The following HERC3 variants were observed in gnomAD, a reference collection of about 807,000 sequenced individuals.
HERC3 encodes probable E3 ubiquitin-protein ligase HERC3.
HERC3 carries 58 observed loss-of-function variants against 129.9 expected under a neutral mutation model. The observed-to-expected ratio is 0.45, with a 90% CI of 0.36 to 0.56. The LOEUF is 0.56. Ranked by LOEUF, HERC3 falls within the 20% of genes least tolerant of loss-of-function variation. The pLI is 0.00. For missense variants in HERC3, 835 were observed against 1,244.2 expected, an observed-to-expected ratio of 0.67 and a Z score of 4.95; for synonymous variants, 430 against 451.0, an observed-to-expected ratio of 0.95 and a Z score of 0.59.
At chr4:88,667,035 A>C (rs1253764958) in intron 12 of HERC3, among the ~76,000 whole-genome samples, 1 of 152,162 alleles carries the variant, frequency 6.6e-6, no homozygotes, top group Non-Finnish European at 1.5e-5. Flanking sequence ...CAAAAAACAC[A>C]AGATGAAATC....
chr4:88,658,508 G>A lies in HERC3; in HGVS notation c.1146+17G>A. ...AAATACGAGGTAAAATTTTTCTTGT[G>A]ACTCTTATTTCCAGGAAGGAATAAT... On this transcript the variant is annotated intron_variant, in intron 10 of 25. Transcript: ENST00000402738. 1.4e-6 allele frequency: 2 copies of A among 1,429,450 alleles called. No homozygotes were observed. Among genetic ancestry groups the A allele is most frequent in the Non-Finnish European group, 2.0e-6 (2 of 1,019,102 alleles). 88.5% of individuals were successfully genotyped at this position (1,429,450 alleles called of 1,614,324 possible).
At chr4:88,537,291 A>C in the HERC3 span, among the ~76,000 whole-genome samples, 6 of 152,182 alleles carry the variant, frequency 3.9e-5, no homozygotes, top group African/African-American at 1.4e-4. Context: ...CATCTCTTGT[A>C]ATCTGAAACA....
intron 10 of HERC3, among the ~76,000 whole-genome samples, chr4:88,661,794 G>A (rs1199247348): frequency 6.6e-6 from 1 of 152,144 alleles, no homozygotes; most frequent in African/African-American, 2.4e-5. Context: ...GAAATTAAGA[G>A]TCATTGTTTT....
chr4:88,529,538 G>A, the HERC3 span, among the ~76,000 whole-genome samples: 2 of 152,124 alleles, frequency 1.3e-5, no homozygotes, highest in African/African-American at 2.4e-5. Context: ...GGTGGATCAC[G>A]AGGTCAGGAG....
In HERC3 at chr4:88,669,841, C is replaced by T. The variant is rs747791459; in HGVS notation, c.1634-19C>T. 4.4e-6 allele frequency: 7 copies of T among 1,602,058 alleles called. No homozygotes were observed. In the Admixed American group the frequency reaches 6.7e-5, roughly 15 times the overall value. ...CCCAAGATTACATGTTGAAATATGTCTTTTCTTTCTTTCTAAAGATAACTG... is the reference window on the plus strand; with the variant it reads ...CCCAAGATTACATGTTGAAATATGTTTTTTCTTTCTTTCTAAAGATAACTG... On this transcript the variant is annotated intron_variant, in intron 14 of 25. Coordinates refer to ENST00000402738, the MANE Select transcript of HERC3 (RefSeq NM_014606.3).
At chr4:88,642,642 T>C (rs183176549) in intron 3 of HERC3, among the ~76,000 whole-genome samples, 30 of 152,338 alleles carry the variant, frequency 2.0e-4, no homozygotes, top group Admixed American at 2.0e-3. Flanking sequence ...TCTATCTTCA[T>C]ACAGTGAAAG....
At chr4:88,618,705 T>G (rs1430117556) in intron 3 of HERC3, among the ~76,000 whole-genome samples, 1 of 152,206 alleles carries the variant, frequency 6.6e-6, no homozygotes, top group Non-Finnish European at 1.5e-5. Flanking sequence ...GGGCAGGACC[T>G]CTGTACCCAC....
chr4:88,603,638 G>C (rs1030162798), intron 2 of HERC3, among the ~76,000 whole-genome samples: 8 of 152,196 alleles, frequency 5.3e-5, no homozygotes, highest in Admixed American at 5.2e-4. Flanking sequence ...GGTGCATGGG[G>C]TATTTTCCTT....
Position 88,706,801 on chromosome 4 carries a change from G to A in HERC3, c.2994G>A (p.Leu998=). 1 of 1,614,162 alleles carries A rather than the reference G, an allele frequency of 6.2e-7. No homozygotes were observed. The highest frequency in any genetic ancestry group is 8.5e-7 in the Non-Finnish European group (1 of 1,180,030). ...TTCCCATCTACGGCATGGCCAGTCT[G>A]CAGATTGTCATCCAGTCCACAGCCA... is the stretch of plus-strand genomic sequence containing the variant. ...DRIPIYGMAS[L]QIVIQSTASG... Residue 998 remains leucine, a synonymous_variant, in exon 26 of 26, where the codon CTG becomes CTA. Transcript: ENST00000402738.
chr4:88,530,213 C>T, the HERC3 span, among the ~76,000 whole-genome samples: 3 of 151,970 alleles, frequency 2.0e-5, no homozygotes, highest in Non-Finnish European at 4.4e-5. Context: ...TTGCTTGAAC[C>T]AGGGACGTGG....
chr4:88,680,283 T>C, intron 20 of HERC3, 47 bp downstream of exon 20: 1 of 1,479,836 alleles, frequency 6.8e-7, no homozygotes, highest in Non-Finnish European at 9.1e-7. Flanking sequence ...AATTAAACTT[T>C]CTTTTTGTTG....
chr4:88,668,115 T>C (rs1731235881), intron 14 of HERC3, 34 bp downstream of exon 14: 2 of 1,547,358 alleles, frequency 1.3e-6, no homozygotes, highest in Admixed American at 1.7e-5. Flanking sequence ...AGTGGTTTTA[T>C]GGTCATTTGT....
the HERC3 span, among the ~76,000 whole-genome samples, chr4:88,554,970 T>C: frequency 2.0e-5 from 3 of 152,120 alleles, no homozygotes; most frequent in African/African-American, 7.2e-5. Context: ...AAGAAAATTA[T>C]CAGACAGGTG....
intron 3 of HERC3, among the ~76,000 whole-genome samples, chr4:88,610,103 G>A (rs1421250991): frequency 2.0e-5 from 3 of 152,156 alleles, no homozygotes; most frequent in South Asian, 2.1e-4. Context: ...TGTTTTATCA[G>A]CAAAGTCTTT....
At chr4:88,608,925 G>A (rs945638496) in intron 3 of HERC3, among the ~76,000 whole-genome samples, 6 of 152,128 alleles carry the variant, frequency 3.9e-5, no homozygotes, top group African/African-American at 1.4e-4. Context: ...TCCTCCCATG[G>A]AGACAGCAAG....
chr4:88,564,049 T>C, the HERC3 span, among the ~76,000 whole-genome samples: 1 of 152,228 alleles, frequency 6.6e-6, no homozygotes, highest in African/African-American at 2.4e-5. Flanking sequence ...GAAATGATTG[T>C]ATGGTTTTTG....
upstream of HERC3, among the ~76,000 whole-genome samples, chr4:88,590,240 C>T (rs759793744): frequency 2.0e-5 from 3 of 151,372 alleles, no homozygotes; most frequent in Middle Eastern, 3.4e-3. Flanking sequence ...TGCACTCCAT[C>T]CCAGGCAACT....
the HERC3 span, among the ~76,000 whole-genome samples, chr4:88,569,163 A>T: frequency 6.6e-6 from 1 of 152,166 alleles, no homozygotes; most frequent in Non-Finnish European, 1.5e-5. Context: ...GACAATTCCC[A>T]TCTGGCTAGA....
At chr4:88,599,611 C>CA (rs1471149207) in intron 2 of HERC3, among the ~76,000 whole-genome samples, 9 of 151,884 alleles carry the variant, frequency 5.9e-5, no homozygotes. Context: ...AGATAAACTA[C>CA]AAAAAAAGCT....
Sources: allele counts gnomAD v4.1 joint callset (sites outside exome capture counted in the v4.1 genomes callset), GRCh38; gene constraint gnomAD v4.1.1; transcripts MANE v1.5; gene names NCBI Gene and HGNC (gene_info 2026-07-23, HGNC 2026-07-21).